RANBP2: variants seen among roughly 807,000 people sequenced by gnomAD.
The protein encoded by RANBP2 is RAN binding protein 2.
A neutral mutation model predicts 303.6 loss-of-function variants in RANBP2; 57 were observed. That is an observed-to-expected ratio of 0.19 (90% confidence interval 0.15 to 0.23). The LOEUF (loss-of-function observed/expected upper bound fraction) is 0.23, where lower values mean the gene tolerates loss of function less well. Among genes scored for constraint, RANBP2 ranks in the 10% least tolerant of loss-of-function variants. RANBP2 has a pLI of 1.00. For synonymous variants in RANBP2, 1,167 were observed against 1,301.5 expected, an observed-to-expected ratio of 0.90 and a Z score of 2.23; for missense variants, 3,138 against 3,780.8, an observed-to-expected ratio of 0.83 and a Z score of 4.46.
the RANBP2 span, among the ~76,000 whole-genome samples, chr2:108,824,885 C>G: frequency 1.3e-5 from 2 of 152,016 alleles, no homozygotes; most frequent in East Asian, 3.8e-4. Context: ...CTCATGGGAC[C>G]AGCATTGTTA....
the RANBP2 span, among the ~76,000 whole-genome samples, chr2:109,255,811 C>T: frequency 6.6e-6 from 1 of 152,216 alleles, no homozygotes; most frequent in Non-Finnish European, 1.5e-5. Context: ...GCCCTGCCGA[C>T]TGTTTGTGCT....
the RANBP2 span, among the ~76,000 whole-genome samples, chr2:109,674,257 G>A: frequency 6.6e-6 from 1 of 151,580 alleles, no homozygotes; most frequent in Non-Finnish European, 1.5e-5. Flanking sequence ...CCAAAATGAA[G>A]TAAAATGGTA....
At chr2:109,431,307 G>A in the RANBP2 span, among the ~76,000 whole-genome samples, 1 of 152,126 alleles carries the variant, frequency 6.6e-6, no homozygotes. Context: ...TTCATCTTTG[G>A]TCTCTTAGTG....
the RANBP2 span, among the ~76,000 whole-genome samples, chr2:109,519,676 C>G: frequency 2.0e-5 from 3 of 152,172 alleles, no homozygotes; most frequent in Non-Finnish European, 4.4e-5. Flanking sequence ...ACATATGTCA[C>G]TCGGCTAGTT....
At chr2:108,847,397 G>GC in the RANBP2 span, among the ~76,000 whole-genome samples, 10 of 152,040 alleles carry the variant, frequency 6.6e-5, no homozygotes. Flanking sequence ...AGACTGTATG[G>GC]CCCCCCAAAG....
chr2:109,727,030 C>T, the RANBP2 span, among the ~76,000 whole-genome samples: 21 of 152,282 alleles, frequency 1.4e-4, no homozygotes, highest in African/African-American at 3.1e-4. Flanking sequence ...CAGTTGGAGG[C>T]GCGTGGGGGT....
chr2:109,127,594 C>CA, the RANBP2 span: 7 of 152,222 alleles, frequency 4.6e-5, no homozygotes, highest in African/African-American at 1.7e-4. Flanking sequence ...CCTGTACTCC[C>CA]AGCACTTTGT....
At chr2:108,894,800 A>G in the RANBP2 span, 14 of 152,344 alleles carry the variant, frequency 9.2e-5, no homozygotes, top group South Asian at 2.9e-3. Context: ...ATAGCTCCCT[A>G]AAAATGGCAG....
chr2:108,932,555 AAG>A, the RANBP2 span, among the ~76,000 whole-genome samples: 1 of 150,828 alleles, frequency 6.6e-6, no homozygotes, highest in Admixed American at 6.6e-5. Context: ...AAAAAAAAGA[AAG>A]AAATTAAGAA....
chr2:108,783,704 A>G lies in RANBP2; in HGVS notation c.9478A>G (p.Met3160Val), dbSNP rs1678417975. The change falls in exon 29 of 29, where the codon ATG becomes GTG. Residue 3160 changes from methionine (M) to valine (V), a missense_variant. By Grantham distance (21) the Met-to-Val change is conservative. This residue lies in a region of RANBP2 where 204 missense variants were observed against 228.4 expected (regional missense o/e 0.89). Coordinates refer to ENST00000283195, the MANE Select transcript of RANBP2 (RefSeq NM_006267.5). ...VKHTGPGLLSMANQGQNTNNS... is the reference protein window; with the variant it reads ...VKHTGPGLLSVANQGQNTNNS... ...ACATACTGGTCCTGGTTTACTATCCATGGCCAATCAAGGCCAGAATACCAA... is the reference window on the plus strand; with the variant it reads ...ACATACTGGTCCTGGTTTACTATCCGTGGCCAATCAAGGCCAGAATACCAA... 6.2e-7 allele frequency: 1 copy of G among 1,611,402 alleles called. No individual in the cohort carries two copies. The highest frequency in any genetic ancestry group is 8.5e-7 in the Non-Finnish European group (1 of 1,177,514).
At chr2:109,547,300 C>T in the RANBP2 span, among the ~76,000 whole-genome samples, 7 of 151,328 alleles carry the variant, frequency 4.6e-5, no homozygotes, top group Admixed American at 2.6e-4. Flanking sequence ...AGAATGCAGT[C>T]GCCTCTTTGA....
chr2:109,224,184 A>G, the RANBP2 span, among the ~76,000 whole-genome samples: 4 of 151,970 alleles, frequency 2.6e-5, no homozygotes, highest in African/African-American at 7.3e-5. Context: ...GCATGTGCAA[A>G]TGGAGGGGGT....
chr2:108,857,872 T>C, the RANBP2 span, among the ~76,000 whole-genome samples: 5 of 152,238 alleles, frequency 3.3e-5, no homozygotes, highest in Non-Finnish European at 7.3e-5. Context: ...AAGAAATCTT[T>C]CTGAATATGA....
At chr2:108,786,583 C>A (rs1678758875), downstream of RANBP2, among the ~76,000 whole-genome samples, 5 of 152,116 alleles carry the variant, frequency 3.3e-5, no homozygotes, top group South Asian at 1.0e-3. Flanking sequence ...CGGGGCAGGA[C>A]TATCGCGGGG....
the RANBP2 span, among the ~76,000 whole-genome samples, chr2:109,555,981 C>T: frequency 1.3e-5 from 2 of 152,216 alleles, no homozygotes; most frequent in Non-Finnish European, 2.9e-5. Context: ...CCATCTCTCC[C>T]TTCTCATAGG....
the RANBP2 span, among the ~76,000 whole-genome samples, chr2:109,321,485 T>G: frequency 1.3e-5 from 2 of 152,284 alleles, no homozygotes; most frequent in African/African-American, 4.8e-5. Flanking sequence ...ATGCTTTGTT[T>G]CCATTTAACA....
the RANBP2 span, among the ~76,000 whole-genome samples, chr2:109,260,709 C>A: frequency 6.6e-6 from 1 of 152,156 alleles, no homozygotes; most frequent in Admixed American, 6.5e-5. Flanking sequence ...AGAAGACTTG[C>A]AATCTTATGG....
chr2:109,223,200 TC>T, the RANBP2 span, among the ~76,000 whole-genome samples: 1 of 152,196 alleles, frequency 6.6e-6, no homozygotes. Flanking sequence ...GAATGCTTTG[TC>T]CCCCTTTGCT....
At chr2:109,188,294 C>G in the RANBP2 span, among the ~76,000 whole-genome samples, 1 of 152,196 alleles carries the variant, frequency 6.6e-6, no homozygotes, top group Admixed American at 6.5e-5. Context: ...TCTGTGGGAT[C>G]TGGGACACAG....
Sources: gnomAD v4.1 joint callset for allele counts (sites outside exome capture counted in the v4.1 genomes callset) on GRCh38, gnomAD v4.1.1 for gene constraint, gnomAD v4.1.1 regional missense constraint, MANE v1.5 for transcripts, NCBI Gene and HGNC (gene_info 2026-07-23, HGNC 2026-07-21) for gene names.